The following PTPRN2 variants were observed in gnomAD, a reference collection of about 807,000 sequenced individuals.
PTPRN2 encodes the protein receptor-type tyrosine-protein phosphatase N2.
PTPRN2 carries 74 observed loss-of-function variants against 118.8 expected under a neutral mutation model. The observed-to-expected ratio is 0.62, with a 90% CI of 0.52 to 0.76. PTPRN2 has a LOEUF of 0.76. Among genes scored for constraint, PTPRN2 ranks in the 30% least tolerant of loss-of-function variants. The probability of loss-of-function intolerance (pLI) is 0.00; values close to 1 mark genes in which losing one functional copy is unlikely to be tolerated. For missense variants in PTPRN2, 1,481 were observed against 1,394.4 expected, an observed-to-expected ratio of 1.06 and a Z score of -0.99; for synonymous variants, 641 against 608.0, an observed-to-expected ratio of 1.05 and a Z score of -0.80.
In PTPRN2 at chr7:158,529,450, C is replaced by T. The variant is rs576776806; in HGVS notation, c.113-39665G>A. Reference sequence around the variant, plus strand: ...GACACCCCCAAGGACAGGGAAGGTGCTGCTGACCACGGCCAGCAACGACGA... The same window carrying T: ...GACACCCCCAAGGACAGGGAAGGTGTTGCTGACCACGGCCAGCAACGACGA... On this transcript the variant is annotated intron_variant, in intron 1 of 22. Coordinates refer to ENST00000389418, the MANE Select transcript of PTPRN2 (RefSeq NM_002847.5). The surrounding 1 kb of genome is among the most constrained non-coding windows in gnomAD (Gnocchi z 4.7). Among the ~76,000 whole-genome samples the T allele has an allele frequency of 4.6e-5, 7 of 152,364 alleles. No homozygotes were observed. The highest frequency in any genetic ancestry group is 1.7e-4 in the African/African-American group (7 of 41,590).
chr7:157,997,311 C>G (rs574299897), intron 11 of PTPRN2, among the ~76,000 whole-genome samples: 1 of 152,270 alleles, frequency 6.6e-6, no homozygotes, highest in Non-Finnish European at 1.5e-5. Flanking sequence ...TCATTCAGCT[C>G]CAAGGATGGG....
At chr7:158,399,794 A>C (rs1165180974) in intron 2 of PTPRN2, among the ~76,000 whole-genome samples, 1 of 152,220 alleles carries the variant, frequency 6.6e-6, no homozygotes, top group African/African-American at 2.4e-5. Flanking sequence ...GCCAGCTCCT[A>C]CTGCACCGGA....
chr7:158,469,050 T>TGCA (rs1485793044), intron 2 of PTPRN2, among the ~76,000 whole-genome samples: 1 of 152,052 alleles, frequency 6.6e-6, no homozygotes, highest in African/African-American at 2.4e-5. Flanking sequence ...ATCAACACTA[T>TGCA]GCACACCCAC....
At chr7:158,095,262 C>A (rs1814541185) in intron 10 of PTPRN2, among the ~76,000 whole-genome samples, 1 of 150,676 alleles carries the variant, frequency 6.6e-6, no homozygotes, top group Non-Finnish European at 1.5e-5. Flanking sequence ...TAACGCCAAG[C>A]AGGGTATCTA....
intron 12 of PTPRN2, among the ~76,000 whole-genome samples, chr7:157,837,793 G>A (rs183625366): frequency 6.6e-6 from 1 of 152,214 alleles, no homozygotes; most frequent in Non-Finnish European, 1.5e-5. Flanking sequence ...CACGTCTGTT[G>A]CACCTGTTAG....
intron 3 of PTPRN2, among the ~76,000 whole-genome samples, chr7:158,261,155 C>G (rs1358159989): frequency 6.6e-6 from 1 of 152,098 alleles, no homozygotes; most frequent in Admixed American, 6.6e-5. Flanking sequence ...CCCAGCGCAC[C>G]CCAGGACATG....
chr7:157,757,023 T>G (rs918192744), intron 12 of PTPRN2, among the ~76,000 whole-genome samples: 15 of 152,122 alleles, frequency 9.9e-5, no homozygotes, highest in Non-Finnish European at 1.8e-4. Flanking sequence ...GGAGCCGCCG[T>G]GTGGGGTGGA....
intron 11 of PTPRN2, among the ~76,000 whole-genome samples, chr7:157,921,968 G>T (rs1039472517): frequency 6.6e-6 from 1 of 152,294 alleles, no homozygotes; most frequent in East Asian, 1.9e-4. Flanking sequence ...GGCAGGGCAC[G>T]TGGGAACCCT....
chr7:158,162,928 G>A (rs2150575515), intron 6 of PTPRN2, among the ~76,000 whole-genome samples: 1 of 152,342 alleles, frequency 6.6e-6, no homozygotes, highest in African/African-American at 2.4e-5. Flanking sequence ...CGACAGGAGG[G>A]TGGCCCTGTT....
rs1456051461 is a variant in PTPRN2 at position 158,517,977 on chromosome 7, C to A, written c.113-28192G>T. ...CTTCCTCCAAGAGGGCTCCCTAATT[C>A]CTGACCGGGCGGGGCACCCCTGCAA... On this transcript the variant is annotated intron_variant, in intron 1 of 22. Transcript: ENST00000389418. The surrounding 1 kb of genome is among the most constrained non-coding windows in gnomAD (Gnocchi z 5.3). Among the ~76,000 whole-genome samples, 3 of 152,232 alleles carry A rather than the reference C, an allele frequency of 2.0e-5. No homozygotes were observed. Among genetic ancestry groups the A allele is most frequent in the Admixed American group, 6.5e-5 (1 of 15,282 alleles).
intron 10 of PTPRN2, among the ~76,000 whole-genome samples, chr7:158,083,120 GC>G (rs1157623542): frequency 2.6e-5 from 4 of 152,170 alleles, no homozygotes; most frequent in African/African-American, 9.7e-5. Flanking sequence ...TTCCAGAAGG[GC>G]CCTGAGTGCC....
At chr7:157,883,750 A>G (rs746419953) in intron 12 of PTPRN2, among the ~76,000 whole-genome samples, 1 of 147,794 alleles carries the variant, frequency 6.8e-6, no homozygotes. Flanking sequence ...CACCACCCCA[A>G]AAATGACTGT....
At chr7:157,923,296 G>T (rs1408056014) in intron 11 of PTPRN2, among the ~76,000 whole-genome samples, 1 of 152,188 alleles carries the variant, frequency 6.6e-6, no homozygotes, top group East Asian at 1.9e-4. Flanking sequence ...CATAAGTTAT[G>T]ATGCTTGTGA....
chr7:157,595,865 A>G (rs1801306753), intron 16 of PTPRN2, among the ~76,000 whole-genome samples: 1 of 152,154 alleles, frequency 6.6e-6, no homozygotes, highest in African/African-American at 2.4e-5. Flanking sequence ...CTTTCCTTAT[A>G]CCTGAGGTTG....
rs765389785 is a variant in PTPRN2 at position 158,133,788 on chromosome 7, T to C, written c.1445A>G (p.Lys482Arg). 6 of 1,613,854 alleles carry C rather than the reference T, an allele frequency of 3.7e-6. No homozygotes were observed. Among genetic ancestry groups the C allele is most frequent in the African/African-American group, 2.7e-5 (2 of 74,938 alleles). The change falls in exon 9 of 23, where the codon AAG becomes AGG. Residue 482 changes from lysine to arginine, a missense_variant. Lys to Arg is a conservative substitution (Grantham distance 26). Around this residue, in one of 3 missense-constraint regions of PTPRN2, gnomAD observed 1,115 missense variants for 994.2 expected, o/e 1.12. Coordinates refer to ENST00000389418, the MANE Select transcript of PTPRN2 (RefSeq NM_002847.5). ...ELQNQMPGPS[K>R]EEQSLPAGAQ... Reference sequence around the variant, plus strand: ...ACCCGCTGGAAGGCTCTGCTCCTCCTTCGAGGGCCCAGGCATCTGGTTTTG... The same window carrying C: ...ACCCGCTGGAAGGCTCTGCTCCTCCCTCGAGGGCCCAGGCATCTGGTTTTG...
intron 11 of PTPRN2, among the ~76,000 whole-genome samples, chr7:158,032,091 C>G (rs73171515): frequency 0.048 from 7,369 of 152,332 alleles, 238 homozygotes; most frequent in Admixed American, 0.088. Context: ...CCCGGCATTC[C>G]AGCTGCTGTG....
In PTPRN2 at chr7:158,532,585, A is replaced by G; in HGVS notation, c.113-42800T>C. On this transcript the variant is annotated intron_variant, in intron 1 of 22. Coordinates refer to ENST00000389418, the MANE Select transcript of PTPRN2 (RefSeq NM_002847.5). The stretch of plus-strand genomic sequence containing the variant: ...TGTATGTGACTTTGATCCTACAAAG[A>G]GGAAAAAACATGGGTAAAAAGTAAG... 1.5e-5 allele frequency: 6 copies of G among 413,100 alleles called. 1 individual carries two copies. The highest frequency in any genetic ancestry group is 9.7e-5 in the South Asian group (5 of 51,724). 25.6% of individuals were successfully genotyped at this position (413,100 alleles called of 1,614,324 possible). A position where few individuals can be genotyped will look rare whatever the true frequency, so the allele number is the denominator to read the frequency against.
intron 13 of PTPRN2, among the ~76,000 whole-genome samples, chr7:157,673,735 T>C (rs1796524151): frequency 6.6e-6 from 1 of 152,014 alleles, no homozygotes; most frequent in South Asian, 2.1e-4. Context: ...CCGTTGCCTT[T>C]TTCTTCCTCT....
At chr7:157,775,479 G>A (rs573490948) in intron 12 of PTPRN2, among the ~76,000 whole-genome samples, 5 of 152,372 alleles carry the variant, frequency 3.3e-5, no homozygotes, top group South Asian at 2.1e-4. Context: ...GGGCGGAGGC[G>A]GCAGCGTGAG....
Sources: allele counts gnomAD v4.1 joint callset (sites outside exome capture counted in the v4.1 genomes callset), GRCh38; gene constraint gnomAD v4.1.1; regional missense constraint gnomAD v4.1.1; non-coding constraint Gnocchi (gnomAD v3.1); transcripts MANE v1.5; gene names NCBI Gene and HGNC (gene_info 2026-07-23, HGNC 2026-07-21).